The following PLXNA2 variants were observed in gnomAD, a reference collection of about 807,000 sequenced individuals.
PLXNA2 encodes plexin-A2.
In PLXNA2, 91 loss-of-function variants were observed where a neutral mutation model predicts 193.5. The observed-to-expected ratio is 0.47, with a 90% CI of 0.40 to 0.56. PLXNA2 has a LOEUF of 0.56. Ranked by LOEUF, PLXNA2 falls within the 20% of genes least tolerant of loss-of-function variation. The probability of loss-of-function intolerance (pLI) is 0.00; values close to 1 mark genes in which losing one functional copy is unlikely to be tolerated. For missense variants in PLXNA2, 1,995 were observed against 2,503.2 expected (o/e 0.80, Z 4.33); for synonymous variants, 997 against 1,027.3 (o/e 0.97, Z 0.56).
chr1:208,187,616 C>G lies in PLXNA2; in HGVS notation c.1371+22664G>C, dbSNP rs74795367. Reference sequence around the variant, plus strand: ...AATTTTTTAGAGACAGCAAACCAGCCAGTGCTATGCGAAGACGTCTGCAAG... The same window carrying G: ...AATTTTTTAGAGACAGCAAACCAGCGAGTGCTATGCGAAGACGTCTGCAAG... On this transcript the variant is annotated intron_variant, in intron 3 of 31. Transcript: ENST00000367033. 3.9e-5 allele frequency among the ~76,000 whole-genome samples: 6 copies of G among 152,302 alleles called. No individual in the cohort carries two copies. In the East Asian group the frequency reaches 1.2e-3, roughly 29 times the overall value.
chr1:208,134,996 C>A (rs1031286726), intron 4 of PLXNA2, among the ~76,000 whole-genome samples: 1 of 152,032 alleles, frequency 6.6e-6, no homozygotes, highest in Non-Finnish European at 1.5e-5. Flanking sequence ...GTTCTAGATC[C>A]GGGTTAGTAG....
chr1:208,103,845 G>T lies in PLXNA2; in HGVS notation c.1507-598C>A, dbSNP rs1667176474. Among the ~76,000 whole-genome samples the T allele has an allele frequency of 7.9e-5, 12 of 152,302 alleles. No homozygotes were observed. The South Asian group carries it at 2.5e-3, about 32-fold the overall frequency. On this transcript the variant is annotated intron_variant, in intron 4 of 31. Coordinates refer to ENST00000367033, the MANE Select transcript of PLXNA2 (RefSeq NM_025179.4). ...GCTAAATGGGAACATCCACAGAAAA[G>T]AGCTGCCTGATTCAGTCTTGCCTGG...
intron 31 of PLXNA2, among the ~76,000 whole-genome samples, chr1:208,027,578 GCTA>G (rs1054385637): frequency 2.6e-5 from 4 of 152,176 alleles, no homozygotes; most frequent in Admixed American, 1.3e-4. Context: ...GTTAATTATT[GCTA>G]CTACTACTAC....
In PLXNA2 at chr1:208,054,532, G is replaced by A; in HGVS notation, c.2745C>T (p.Val915=). ...PGEYIIAEQI[V]CEMGHALVGT... is the part of the protein sequence containing the mutation. Reference sequence around the variant, plus strand: ...CCACGAGGGCATGGCCCATCTCACAGACAATCCTGGGGAGAAAGCAAACCT... The same window carrying A: ...CCACGAGGGCATGGCCCATCTCACAAACAATCCTGGGGAGAAAGCAAACCT... The change falls in exon 14 of 32, where the codon GTC becomes GTT. Residue 915 remains valine, a synonymous_variant. Coordinates refer to ENST00000367033, the MANE Select transcript of PLXNA2 (RefSeq NM_025179.4). 1 of 1,612,800 alleles carries A rather than the reference G, an allele frequency of 6.2e-7. No individual in the cohort carries two copies. Among genetic ancestry groups the A allele is most frequent in the South Asian group, 1.1e-5 (1 of 91,046 alleles).
At chr1:208,231,378 T>C (rs1032140784) in intron 1 of PLXNA2, among the ~76,000 whole-genome samples, 1 of 151,874 alleles carries the variant, frequency 6.6e-6, no homozygotes, top group Non-Finnish European at 1.5e-5. Context: ...AGAAAGAATG[T>C]GGAGGTCAAG....
chr1:208,098,454 T>TCACACA (rs1310601677), intron 6 of PLXNA2, among the ~76,000 whole-genome samples: 1,870 of 105,896 alleles, frequency 0.018, 26 homozygotes, highest in South Asian at 0.083. Flanking sequence ...TCTCTCTCTC[T>TCACACA]CTCTCACACA....
intron 16 of PLXNA2, 53 bp from the exon 17 acceptor site, chr1:208,051,155 G>C (rs1014138139): frequency 1.6e-5 from 26 of 1,594,562 alleles, no homozygotes; most frequent in Non-Finnish European, 2.0e-5. Context: ...AATCTGGCAT[G>C]GTGAACCTCC....
intron 6 of PLXNA2, among the ~76,000 whole-genome samples, chr1:208,097,395 G>A (rs1666933906): frequency 6.6e-6 from 1 of 152,192 alleles, no homozygotes; most frequent in Admixed American, 6.5e-5. Flanking sequence ...TGCTTCTAAA[G>A]GCTGCGTGTT....
intron 3 of PLXNA2, among the ~76,000 whole-genome samples, chr1:208,154,677 A>AT (rs1329891186): frequency 1.3e-5 from 2 of 152,072 alleles, no homozygotes; most frequent in Non-Finnish European, 2.9e-5. Flanking sequence ...CTCTTCATAG[A>AT]TTTTTTTTGA....
chr1:208,178,198 T>C (rs1313878126), intron 3 of PLXNA2, among the ~76,000 whole-genome samples: 1 of 152,018 alleles, frequency 6.6e-6, no homozygotes, highest in Non-Finnish European at 1.5e-5. Flanking sequence ...ATTCCTGAGC[T>C]CTTTGGAGTA....
intron 1 of PLXNA2, among the ~76,000 whole-genome samples, chr1:208,239,024 C>T (rs1314141730): frequency 6.6e-6 from 1 of 152,194 alleles, no homozygotes; most frequent in Non-Finnish European, 1.5e-5. Context: ...CTGCAGGCGC[C>T]TTCTCATCCT....
chr1:208,095,116 CCT>C (rs1666838863), intron 8 of PLXNA2, among the ~76,000 whole-genome samples: 3 of 152,164 alleles, frequency 2.0e-5, no homozygotes, highest in Admixed American at 2.0e-4. Context: ...TGTTGATTGA[CCT>C]CTCCCCTTGC....
chr1:208,085,501 G>T (rs114066197), intron 9 of PLXNA2, among the ~76,000 whole-genome samples: 2 of 152,238 alleles, frequency 1.3e-5, no homozygotes, highest in African/African-American at 4.8e-5. Context: ...CCTGCAGAGG[G>T]TGTTACTGGC....
At chr1:208,185,274 G>C (rs1006763493) in intron 3 of PLXNA2, among the ~76,000 whole-genome samples, 3 of 152,152 alleles carry the variant, frequency 2.0e-5, no homozygotes, top group Non-Finnish European at 4.4e-5. Flanking sequence ...AGGTACCTTC[G>C]ATGATGTTCT....
At chr1:208,088,673 T>G (rs1343241553) in intron 9 of PLXNA2, among the ~76,000 whole-genome samples, 2 of 152,246 alleles carry the variant, frequency 1.3e-5, no homozygotes, top group South Asian at 2.1e-4. Flanking sequence ...CTCATTACCT[T>G]AAGAGAGCTT....
At chr1:208,162,190 A>G (rs571227820) in intron 3 of PLXNA2, among the ~76,000 whole-genome samples, 1 of 152,216 alleles carries the variant, frequency 6.6e-6, no homozygotes, top group African/African-American at 2.4e-5. Context: ...AGGGCTCAGG[A>G]CAGCTGACAT....
At chr1:208,233,044 G>A (rs1398148500) in intron 1 of PLXNA2, among the ~76,000 whole-genome samples, 1 of 152,188 alleles carries the variant, frequency 6.6e-6, no homozygotes, top group East Asian at 1.9e-4. Flanking sequence ...GCCTCTGCTT[G>A]AATTCCCTAA....
At chr1:208,159,773 T>G (rs1389965405) in intron 3 of PLXNA2, among the ~76,000 whole-genome samples, 3 of 152,226 alleles carry the variant, frequency 2.0e-5, no homozygotes, top group Non-Finnish European at 4.4e-5. Flanking sequence ...GCCGTAAGAT[T>G]ATTCACTCTG....
chr1:208,145,232 C>T (rs1167126176), intron 3 of PLXNA2, among the ~76,000 whole-genome samples: 1 of 152,122 alleles, frequency 6.6e-6, no homozygotes, highest in Admixed American at 6.6e-5. Context: ...TGAACTGTGC[C>T]CCTCCTCTGA....
Sources: gnomAD v4.1 joint callset for allele counts (sites outside exome capture counted in the v4.1 genomes callset) on GRCh38, gnomAD v4.1.1 for gene constraint, MANE v1.5 for transcripts, NCBI Gene and HGNC (gene_info 2026-07-23, HGNC 2026-07-21) for gene names.